The following PJA1 variants were observed in gnomAD, a reference collection of about 807,000 sequenced individuals.
The protein encoded by PJA1 is praja ring finger ubiquitin ligase 1.
Under a neutral mutation model 14.1 loss-of-function variants are expected in PJA1, and 5 were observed. The ratio of observed to expected loss-of-function variants is 0.35; its 90% CI spans 0.18 to 0.74. PJA1 has a LOEUF of 0.74. Among genes scored for constraint, PJA1 ranks in the 30% least tolerant of loss-of-function variants. The pLI, the probability that PJA1 is intolerant of heterozygous loss-of-function variation, is 0.56. For synonymous variants in PJA1, 174 were observed against 190.9 expected, an observed-to-expected ratio of 0.91 and a Z score of 0.73; for missense variants, 394 against 482.6, an observed-to-expected ratio of 0.82 and a Z score of 1.72.
chrX:69,164,417 G>A (rs1217171680), intron 1 of PJA1, among the ~76,000 whole-genome samples: 1 of 109,542 alleles, frequency 9.1e-6, no homozygotes, highest in Non-Finnish European at 1.9e-5. Context: ...ACTGGCCAGC[G>A]ATAGAAGGAT....
In PJA1 at chrX:69,163,008, A is replaced by G; in HGVS notation, c.66T>C (p.Arg22=). Reference sequence around the variant, plus strand: ...CCGAACTCTCGCTGTCGTCCCAACTACGACGAGTAGTGGAAAATGGCGATC... The same window carrying G: ...CCGAACTCTCGCTGTCGTCCCAACTGCGACGAGTAGTGGAAAATGGCGATC... ...RSRSPFSTTR[R]SWDDSESSGT... is the part of the protein sequence containing the mutation. Residue 22 remains arginine (R), a synonymous_variant, in exon 2 of 2, where the codon CGT becomes CGC. Coordinates refer to ENST00000374571, the MANE Select transcript of PJA1 (RefSeq NM_001032396.4). 1 of 1,210,752 alleles carries G rather than the reference A, an allele frequency of 8.3e-7. No individual in the cohort carries two copies. Among genetic ancestry groups the G allele is most frequent in the East Asian group, 3.0e-5 (1 of 33,815 alleles).
In PJA1 at chrX:69,163,099, T is replaced by A. The variant is rs772770897; in HGVS notation, c.-26A>T. ...TGGGACTTCGGAGTTCGTCTTTCTCTGGCTGGCAATCCTTTCCCGCTGGCT... is the reference window on the plus strand; with the variant it reads ...TGGGACTTCGGAGTTCGTCTTTCTCAGGCTGGCAATCCTTTCCCGCTGGCT... On this transcript the variant is annotated 5_prime_UTR_variant, in exon 2 of 2. Transcript: ENST00000374571. 1 of 1,211,704 alleles carries A rather than the reference T, an allele frequency of 8.3e-7. No individual in the cohort carries two copies. Among genetic ancestry groups the A allele is most frequent in the East Asian group, 3.0e-5 (1 of 33,825 alleles).
Position 69,161,961 on chromosome X carries a change from C to T in PJA1, c.1113G>A (p.Gly371=), listed in dbSNP as rs774181642. The change falls in exon 2 of 2, where the codon GGG becomes GGA. Residue 371 remains glycine, a synonymous_variant. Coordinates refer to ENST00000374571, the MANE Select transcript of PJA1 (RefSeq NM_001032396.4). ...SPGPGASASA[G]AGAGASAGSN... ...TGCCAGCACTGGCCCCGGCGCCAGC[C>T]CCGGCACTGGCACTAGCACCGGGGC... 3 of 1,207,288 alleles carry T rather than the reference C, an allele frequency of 2.5e-6. No individual in the cohort carries two copies. In the South Asian group the frequency reaches 5.3e-5, roughly 21 times the overall value.
chrX:69,163,811 G>A (rs1019985684), intron 1 of PJA1, among the ~76,000 whole-genome samples: 3 of 110,997 alleles, frequency 2.7e-5, no homozygotes, highest in Admixed American at 1.9e-4. Context: ...GGATGTTTAC[G>A]TTTGTAGGGG....
Position 69,161,226 on chromosome X carries a change from G to GTTAA in PJA1, c.*77_*80dup, listed in dbSNP as rs780979516. On this transcript the variant is annotated 3_prime_UTR_variant, in exon 2 of 2. Transcript: ENST00000374571. ...CTGACTGATTGGTTTTATTTCCATT[G>GTTAA]TTAATTTCAAGAGGGCTCCTGCAGT... 9.3e-7 allele frequency: 1 copy of GTTAA among 1,080,169 alleles called. No homozygotes were observed. Among genetic ancestry groups the GTTAA allele is most frequent in the Non-Finnish European group, 1.2e-6 (1 of 827,403 alleles). The allele number at this position is 1,080,169 out of a possible 1,213,427, so 89.0% of individuals were successfully genotyped here.
intron 1 of PJA1, among the ~76,000 whole-genome samples, chrX:69,164,531 G>C (rs1431076759): frequency 9.2e-6 from 1 of 108,552 alleles, no homozygotes; most frequent in Non-Finnish European, 1.9e-5. Context: ...AGCAGGGAGG[G>C]GGCCGGTGCT....
At position 69,162,095 on chromosome X, in the gene PJA1, G is replaced by C; in HGVS notation, c.979C>G (p.Arg327Gly). 1.7e-6 allele frequency: 2 copies of C among 1,211,106 alleles called. No individual in the cohort carries two copies. The highest frequency in any genetic ancestry group is 2.2e-6 in the Non-Finnish European group (2 of 895,357). The change falls in exon 2 of 2, where the codon CGA (arginine) becomes GGA (glycine). Residue 327 changes from arginine to glycine, a missense_variant. By Grantham distance (125) the Arg-to-Gly change is moderately radical. This residue lies in a region of PJA1 where 378 missense variants were observed against 439.3 expected (regional missense o/e 0.86). Coordinates refer to ENST00000374571, the MANE Select transcript of PJA1 (RefSeq NM_001032396.4). The part of the protein sequence containing the change: ...IAALRRKYRS[R>G]EQTLSSSGES... ...CCACTGGAGGACAGGGTTTGCTCTC[G>C]GCTTCGATATTTCCGACGCAGAGCA...
chrX:69,161,861 C>T lies in PJA1; in HGVS notation c.1213G>A (p.Glu405Lys). 2.5e-6 allele frequency: 3 copies of T among 1,211,538 alleles called. No homozygotes were observed. The South Asian group carries it at 5.3e-5, about 21-fold the overall frequency. The change falls in exon 2 of 2, where the codon GAA (glutamate) becomes AAA (lysine). Residue 405 changes from glutamate (E) to lysine (K), a missense_variant. By Grantham distance (56) the Glu-to-Lys change is moderately conservative. Coordinates refer to ENST00000374571, the MANE Select transcript of PJA1 (RefSeq NM_001032396.4). ...TCATGGTACTGGAGCCAAGGAATTT[C>T]TCCTTCTTCCAGGGATGCCTGCTCT... is the stretch of plus-strand genomic sequence containing the variant. ...QEEQASLEEGEIPWLQYHEND... is the reference protein window; with the variant it reads ...QEEQASLEEGKIPWLQYHEND...
chrX:69,163,769 G>A, intron 1 of PJA1, among the ~76,000 whole-genome samples: 1 of 111,475 alleles, frequency 9.0e-6, no homozygotes, highest in Non-Finnish European at 1.9e-5. Context: ...GAGAGGGACA[G>A]GTGGAAGGGG....
intron 1 of PJA1, among the ~76,000 whole-genome samples, chrX:69,163,740 T>C (rs1346923683): frequency 1.8e-5 from 2 of 111,299 alleles, no homozygotes; most frequent in Non-Finnish European, 3.8e-5. Flanking sequence ...CGAGTGCCTA[T>C]GTGTCTGTCT....
rs759900304 is a variant in PJA1 at position 69,162,223 on chromosome X, G to C, written c.851C>G (p.Pro284Arg). ...RSDQVKPEKVPRRRRTMADPD... is the reference protein window; with the variant it reads ...RSDQVKPEKVRRRRRTMADPD... ...GTCGGCCATGGTGCGTCGTCGTCTC[G>C]GCACCTTTTCTGGTTTCACTTGGTC... Residue 284 changes from proline to arginine, a missense_variant, in exon 2 of 2, where the codon CCG becomes CGG. By Grantham distance (103) the Pro-to-Arg change is moderately radical. This residue lies in a region of PJA1 where 378 missense variants were observed against 439.3 expected (regional missense o/e 0.86). Coordinates refer to ENST00000374571, the MANE Select transcript of PJA1 (RefSeq NM_001032396.4). 2 of 1,208,287 alleles carry C rather than the reference G, an allele frequency of 1.7e-6. No homozygotes were observed. The highest frequency in any genetic ancestry group is 1.8e-5 in the African/African-American group (1 of 56,648).
rs770071529 is a variant in PJA1, at chrX:69,161,029, G to A, written c.*278C>T. The stretch of plus-strand genomic sequence containing the variant: ...CCATTCTACTGAAGAAAACAAATGC[G>A]ATTTAACTTTCAGGTTAGAAAACGT... On this transcript the variant is annotated 3_prime_UTR_variant, in exon 2 of 2. Coordinates refer to ENST00000374571, the MANE Select transcript of PJA1 (RefSeq NM_001032396.4). 5.5e-5 allele frequency: 16 copies of A among 289,078 alleles called. No homozygotes were observed. The highest frequency in any genetic ancestry group is 7.7e-5 in the Non-Finnish European group (13 of 169,487). The allele number at this position is 289,078 out of a possible 1,213,427, so 23.8% of individuals were successfully genotyped here.
In PJA1 at chrX:69,162,965, C is replaced by G. The variant is rs62623434; in HGVS notation, c.109G>C (p.Asp37His). ...SESSGTNLNIDNEDYSRYPPR... is the reference protein window; with the variant it reads ...SESSGTNLNIHNEDYSRYPPR... ...GGATACCTGGAATAGTCCTCATTAT[C>G]AATATTCAGGTTGGTTCCCGAACTC... The change falls in exon 2 of 2, where the codon GAT (aspartate) becomes CAT (histidine). Residue 37 changes from aspartate (D) to histidine (H), a missense_variant. Around this residue, in one of 2 missense-constraint regions of PJA1, gnomAD observed 378 missense variants for 439.3 expected, o/e 0.86. Coordinates refer to ENST00000374571, the MANE Select transcript of PJA1 (RefSeq NM_001032396.4). The G allele has an allele frequency of 2.5e-6, 3 of 1,208,740 alleles. No homozygotes were observed. In the African/African-American group the frequency reaches 5.3e-5, roughly 21 times the overall value.
Position 69,162,643 on chromosome X carries a change from G to A in PJA1, c.431C>T (p.Pro144Leu), listed in dbSNP as rs1298135144. ...RCSASRADFL[P>L]QSSVASQSSS... is the part of the protein sequence containing the mutation. ...CGACTGTGAGGCCACACTACTTTGT[G>A]GCAGGAAGTCAGCTCTGCTAGCTGA... Residue 144 changes from proline to leucine, a missense_variant, in exon 2 of 2, where the codon CCA (proline) becomes CTA (leucine). Physicochemically the swap from Pro to Leu is moderately conservative, Grantham distance 98. Coordinates refer to ENST00000374571, the MANE Select transcript of PJA1 (RefSeq NM_001032396.4). The A allele has an allele frequency of 1.7e-6, 2 of 1,210,886 alleles. No individual in the cohort carries two copies.
In PJA1 at chrX:69,163,147, T is replaced by TAA. The variant is rs1342593360; in HGVS notation, c.-67-9_-67-8dup. The stretch of plus-strand genomic sequence containing the variant: ...GCTCGTGGGTGGCCTGAAACTGACA[T>TAA]AAGCATGCCTTCTTCCATACCTCCT... On this transcript the variant is annotated splice_region_variant and splice_polypyrimidine_tract_variant and intron_variant, in intron 1 of 1. Coordinates refer to ENST00000374571, the MANE Select transcript of PJA1 (RefSeq NM_001032396.4). 8.3e-7 allele frequency: 1 copy of TAA among 1,210,883 alleles called. No individual in the cohort carries two copies. The highest frequency in any genetic ancestry group is 1.8e-5 in the South Asian group (1 of 56,861).
chrX:69,162,976 T>C lies in PJA1; in HGVS notation c.98A>G (p.Asn33Ser). Reference sequence around the variant, plus strand: ...ATAGTCCTCATTATCAATATTCAGGTTGGTTCCCGAACTCTCGCTGTCGTC... The same window carrying C: ...ATAGTCCTCATTATCAATATTCAGGCTGGTTCCCGAACTCTCGCTGTCGTC... Reference protein sequence around the residue: ...SWDDSESSGTNLNIDNEDYSR... With the variant: ...SWDDSESSGTSLNIDNEDYSR... Residue 33 changes from asparagine (N) to serine (S), a missense_variant, in exon 2 of 2, where the codon AAC (asparagine) becomes AGC (serine). Around this residue, in one of 2 missense-constraint regions of PJA1, gnomAD observed 378 missense variants for 439.3 expected, o/e 0.86. Coordinates refer to ENST00000374571, the MANE Select transcript of PJA1 (RefSeq NM_001032396.4). The C allele has an allele frequency of 1.7e-6, 2 of 1,210,915 alleles. No homozygotes were observed. The highest frequency in any genetic ancestry group is 2.2e-6 in the Non-Finnish European group (2 of 895,398).
In PJA1 at chrX:69,162,436, C is replaced by A; in HGVS notation, c.638G>T (p.Cys213Phe). 1 of 1,211,602 alleles carries A rather than the reference C, an allele frequency of 8.3e-7. No homozygotes were observed. The highest frequency in any genetic ancestry group is 1.1e-6 in the Non-Finnish European group (1 of 895,532). Residue 213 changes from cysteine (C) to phenylalanine (F), a missense_variant, in exon 2 of 2, where the codon TGC becomes TTC. Coordinates refer to ENST00000374571, the MANE Select transcript of PJA1 (RefSeq NM_001032396.4). ...ATCAAAAAAAATTTTTGGTTTCACG[C>A]AGTTTGGACTTGCCAGGTTTCTGAT... The part of the protein sequence containing the change: ...PKIRNLASPN[C>F]VKPKIFFDTD...
chrX:69,165,414 C>A lies in PJA1; in HGVS notation c.-110G>T, dbSNP rs1243901137. 1 of 112,661 alleles carries A rather than the reference C, an allele frequency of 8.9e-6. No individual in the cohort carries two copies. The highest frequency in any genetic ancestry group is 3.2e-5 in the African/African-American group (1 of 31,033). The allele number at this position is 112,661 out of a possible 1,213,427, so 9.3% of individuals were successfully genotyped here. A position where few individuals can be genotyped will look rare whatever the true frequency, so the allele number is the denominator to read the frequency against. On this transcript the variant is annotated 5_prime_UTR_variant, in exon 1 of 2. Coordinates refer to ENST00000374571, the MANE Select transcript of PJA1 (RefSeq NM_001032396.4). ...ACGCTTTTCAGAGAAGCAGAGCTCTCGGATCTCCGACCGCCACGACCGCCA... is the reference window on the plus strand; with the variant it reads ...ACGCTTTTCAGAGAAGCAGAGCTCTAGGATCTCCGACCGCCACGACCGCCA...
In PJA1 at chrX:69,163,150, G is replaced by C; in HGVS notation, c.-67-10C>G. The C allele has an allele frequency of 3.3e-6, 4 of 1,210,862 alleles. No homozygotes were observed. Among genetic ancestry groups the C allele is most frequent in the Non-Finnish European group, 4.5e-6 (4 of 895,374 alleles). On this transcript the variant is annotated splice_polypyrimidine_tract_variant and intron_variant, in intron 1 of 1. Coordinates refer to ENST00000374571, the MANE Select transcript of PJA1 (RefSeq NM_001032396.4). Reference sequence around the variant, plus strand: ...CGTGGGTGGCCTGAAACTGACATAAGCATGCCTTCTTCCATACCTCCTACC... The same window carrying C: ...CGTGGGTGGCCTGAAACTGACATAACCATGCCTTCTTCCATACCTCCTACC...
Sources: allele counts gnomAD v4.1 joint callset (sites outside exome capture counted in the v4.1 genomes callset), GRCh38; gene constraint gnomAD v4.1.1; regional missense constraint gnomAD v4.1.1; transcripts MANE v1.5; gene names NCBI Gene and HGNC (gene_info 2026-07-23, HGNC 2026-07-21).